Variants in DIAPH2 observed in about 807,000 individuals in gnomAD.
DIAPH2 encodes the protein diaphanous related formin 2.
A neutral mutation model predicts 92.7 loss-of-function variants in DIAPH2; 35 were observed. That is an observed-to-expected ratio of 0.38 (90% CI 0.29 to 0.50). DIAPH2 has a LOEUF of 0.50. DIAPH2 is among the 20% of genes least tolerant of loss of function. The pLI is 0.94. For missense variants in DIAPH2, 701 were observed against 819.5 expected, an observed-to-expected ratio of 0.86 and a Z score of 1.77; for synonymous variants, 301 against 280.4, an observed-to-expected ratio of 1.07 and a Z score of -0.73.
chrX:96,690,736 CCTTTT>C (rs1304231699), intron 1 of DIAPH2, among the ~76,000 whole-genome samples: 4 of 111,557 alleles, frequency 3.6e-5, no homozygotes, highest in Non-Finnish European at 7.5e-5. Flanking sequence ...ACTAGTCTAC[CCTTTT>C]CTTTCATTGT....
chrX:97,102,777 T>C (rs1421661666), intron 20 of DIAPH2, among the ~76,000 whole-genome samples: 1 of 111,232 alleles, frequency 9.0e-6, no homozygotes, highest in Non-Finnish European at 1.9e-5. Flanking sequence ...CCATCTCTAC[T>C]AAAAATACAA....
intron 14 of DIAPH2, among the ~76,000 whole-genome samples, chrX:96,948,102 T>G (rs2065749351): frequency 8.9e-6 from 1 of 112,683 alleles, no homozygotes; most frequent in Admixed American, 9.4e-5. Flanking sequence ...TGTGAAGTAC[T>G]GCTTTATGGA....
At position 96,746,375 on chromosome X, in the gene DIAPH2, T is replaced by C. The variant is rs1169777717; in HGVS notation, c.342+7613T>C. On this transcript the variant is annotated intron_variant, in intron 3 of 26. Coordinates refer to ENST00000324765, the MANE Select transcript of DIAPH2 (RefSeq NM_006729.5). Reference sequence around the variant, plus strand: ...TCAAGAATTAAAACCACTGCTTTTATAAGATTGATAAAATTACCTGCATGG... The same window carrying C: ...TCAAGAATTAAAACCACTGCTTTTACAAGATTGATAAAATTACCTGCATGG... Among the ~76,000 whole-genome samples the C allele has an allele frequency of 4.5e-5, 5 of 111,940 alleles. No homozygotes were observed. The East Asian group carries it at 1.4e-3, about 31-fold the overall frequency.
intron 1 of DIAPH2, among the ~76,000 whole-genome samples, chrX:96,728,180 C>T (rs2064033258): frequency 9.1e-6 from 1 of 110,201 alleles, no homozygotes. Flanking sequence ...CTCATAGTTT[C>T]GCATTTAGTT....
At chrX:97,426,092 A>C (rs2070060879) in intron 25 of DIAPH2, among the ~76,000 whole-genome samples, 1 of 110,242 alleles carries the variant, frequency 9.1e-6, no homozygotes, top group African/African-American at 3.3e-5. Context: ...AAAATAGATC[A>C]CATTTTCTCA....
chrX:97,262,092 T>TAAAAAAAAAAAAAAAAAAAAAAAAAAA (rs35665297), intron 23 of DIAPH2, among the ~76,000 whole-genome samples: 3 of 60,549 alleles, frequency 5.0e-5, no homozygotes, highest in Non-Finnish European at 5.8e-5. Context: ...GATGAGAAAC[T>TAAAAAAAAAAAAAAAAAAAAAAAAAAA]AAAAAAAAAA....
In DIAPH2 at chrX:97,349,002, A is replaced by G. The variant is rs1274803413; in HGVS notation, c.3009+722A>G. The stretch of plus-strand genomic sequence containing the variant: ...GGTAAAGGTGTGTGTGTATATATAT[A>G]TGTGTGTGTATATATATGTGTATAT... On this transcript the variant is annotated intron_variant, in intron 24 of 26. Transcript: ENST00000324765. Among the ~76,000 whole-genome samples, 9 of 103,191 alleles carry G rather than the reference A, an allele frequency of 8.7e-5. No homozygotes were observed. The East Asian group carries it at 2.3e-3, about 26-fold the overall frequency. 89.6% of individuals were successfully genotyped at this position (103,191 alleles called of 115,157 possible). A position where few individuals can be genotyped will look rare whatever the true frequency, so the allele number is the denominator to read the frequency against.
intron 4 of DIAPH2, among the ~76,000 whole-genome samples, chrX:96,876,676 C>T (rs767125601): frequency 1.7e-4 from 19 of 108,781 alleles, no homozygotes; most frequent in Admixed American, 4.0e-4. Flanking sequence ...AACCAAACAT[C>T]GCATGTTCTC....
chrX:97,093,372 G>T (rs1222294884), intron 19 of DIAPH2, among the ~76,000 whole-genome samples: 1 of 111,322 alleles, frequency 9.0e-6, no homozygotes, highest in Non-Finnish European at 1.9e-5. Context: ...TTAATTTGCA[G>T]CTTGGCTTTC....
At chrX:97,362,630 A>G (rs922201838) in intron 24 of DIAPH2, among the ~76,000 whole-genome samples, 1 of 112,443 alleles carries the variant, frequency 8.9e-6, no homozygotes, top group African/African-American at 3.2e-5. Flanking sequence ...TTGAGTGCCT[A>G]TTAAACAGTG....
intron 17 of DIAPH2, among the ~76,000 whole-genome samples, chrX:97,069,936 T>C (rs759137636): frequency 1.8e-5 from 2 of 111,720 alleles, no homozygotes; most frequent in Admixed American, 9.5e-5. Flanking sequence ...CATTTCTCAG[T>C]TGTAAAGGAA....
intron 17 of DIAPH2, among the ~76,000 whole-genome samples, chrX:96,980,082 C>T (rs1250541487): frequency 1.8e-5 from 2 of 111,433 alleles, no homozygotes; most frequent in African/African-American, 6.5e-5. Context: ...GCGCTTATAG[C>T]CATCTGCAGA....
intron 3 of DIAPH2, among the ~76,000 whole-genome samples, chrX:96,751,889 G>A (rs773700185): frequency 3.1e-5 from 3 of 96,904 alleles, no homozygotes; most frequent in African/African-American, 1.1e-4. Flanking sequence ...TCCTGACCTC[G>A]TGATCCGCCC....
intron 22 of DIAPH2, among the ~76,000 whole-genome samples, chrX:97,177,728 A>C (rs1019017251): frequency 2.1e-5 from 2 of 97,165 alleles, no homozygotes; most frequent in African/African-American, 7.4e-5. Context: ...AAAAAAAAAC[A>C]AAAACCCTGC....
At chrX:97,013,875 A>T (rs149485107) in intron 17 of DIAPH2, among the ~76,000 whole-genome samples, 3,403 of 111,842 alleles carry the variant, frequency 0.03, 139 homozygotes, top group African/African-American at 0.11. Context: ...TAAAACTTAG[A>T]AACTATTAAT....
At chrX:97,195,649 A>C (rs2067696000) in intron 22 of DIAPH2, among the ~76,000 whole-genome samples, 1 of 94,577 alleles carries the variant, frequency 1.1e-5, no homozygotes, top group Non-Finnish European at 2.1e-5. Flanking sequence ...CGATAGAGCA[A>C]GACTCCGTCT....
intron 21 of DIAPH2, 139 bp from the exon 22 acceptor site, chrX:97,141,526 C>T (rs914593507): frequency 3.8e-5 from 20 of 532,999 alleles, no homozygotes; most frequent in African/African-American, 2.2e-4. Context: ...TCTAGAGCAC[C>T]GCTACTAGAC....
intron 26 of DIAPH2, among the ~76,000 whole-genome samples, chrX:97,554,972 C>G (rs1402401188): frequency 3.6e-5 from 4 of 111,027 alleles, no homozygotes; most frequent in Admixed American, 1.9e-4. Context: ...ATAGACATCT[C>G]TCAACAAGGC....
intron 1 of DIAPH2, among the ~76,000 whole-genome samples, chrX:96,700,778 CTG>C (rs199774982): frequency 0.01 from 1,156 of 112,063 alleles, 14 homozygotes; most frequent in African/African-American, 0.036. Flanking sequence ...TATCACCAGA[CTG>C]TATTATTCTG....
Sources: allele counts gnomAD v4.1 joint callset (sites outside exome capture counted in the v4.1 genomes callset), GRCh38; gene constraint gnomAD v4.1.1; transcripts MANE v1.5; gene names NCBI Gene and HGNC (gene_info 2026-07-23, HGNC 2026-07-21).